The following CDC42EP4 variants were observed in gnomAD, a reference collection of about 807,000 sequenced individuals.
CDC42EP4 encodes the protein CDC42 effector protein 4, also known as CDC42 effector protein (Rho GTPase binding) 4.
Under a neutral mutation model 5.6 loss-of-function variants are expected in CDC42EP4, and 6 were observed. The ratio of observed to expected loss-of-function variants is 1.07; its 90% CI spans 0.59 to 2.12. The LOEUF is 2.12. Among genes scored for constraint, CDC42EP4 ranks in the 30% most tolerant of loss-of-function variants. The probability of loss-of-function intolerance (pLI) is 0.00; values close to 1 mark genes in which losing one functional copy is unlikely to be tolerated. For missense variants in CDC42EP4, 490 were observed against 508.6 expected (o/e 0.96, Z 0.35); for synonymous variants, 230 against 224.2 (o/e 1.03, Z -0.23).
At position 73,285,347 on chromosome 17, in the gene CDC42EP4, C is replaced by T. The variant is rs774170801; in HGVS notation, c.*83G>A. ...GAATCAAGGGTCCTGGCTGCCCCTG[C>T]GCCGTAGGGTCAAAGGTCATAGTGG... On this transcript the variant is annotated 3_prime_UTR_variant, in exon 2 of 2. Coordinates refer to ENST00000335793, the MANE Select transcript of CDC42EP4 (RefSeq NM_012121.5). This position sits in a 1 kb window ranked among gnomAD's most constrained non-coding sequence, Gnocchi z 6.8. 204 of 1,145,700 alleles carry T rather than the reference C, an allele frequency of 1.8e-4. 8 individuals carry two copies. The highest frequency in any genetic ancestry group is 4.3e-4 in the South Asian group (29 of 67,386). The allele number at this position is 1,145,700 out of a possible 1,614,324, so 71.0% of individuals were successfully genotyped here. A position where few individuals can be genotyped will look rare whatever the true frequency, so the allele number is the denominator to read the frequency against.
chr17:73,308,355 C>T (rs951882208), intron 1 of CDC42EP4, among the ~76,000 whole-genome samples: 6 of 152,310 alleles, frequency 3.9e-5, no homozygotes, highest in African/African-American at 1.4e-4. Flanking sequence ...GATTGCTCAA[C>T]CCTTCTCCCT....
chr17:73,301,709 G>GA (rs1418366000), intron 1 of CDC42EP4, among the ~76,000 whole-genome samples: 2 of 128,830 alleles, frequency 1.6e-5, no homozygotes, highest in East Asian at 4.5e-4. Context: ...ACCATGCCCA[G>GA]CTTTTTTTTT....
In CDC42EP4 at chr17:73,285,810, C is replaced by T; in HGVS notation, c.691G>A (p.Asp231Asn). ...VLSIMDKEEWDPEEGEGGYHG... is the reference protein window; with the variant it reads ...VLSIMDKEEWNPEEGEGGYHG... ...TAACCACCCTCCCCCTCCTCGGGGT[C>T]CCACTCCTCCTTGTCCATGATGCTG... is the stretch of plus-strand genomic sequence containing the variant. The change falls in exon 2 of 2, where the codon GAC (aspartate) becomes AAC (asparagine). Residue 231 changes from aspartate (D) to asparagine (N), a missense_variant. Coordinates refer to ENST00000335793, the MANE Select transcript of CDC42EP4 (RefSeq NM_012121.5). The surrounding 1 kb of genome is among the most constrained non-coding windows in gnomAD (Gnocchi z 6.8). The T allele has an allele frequency of 6.2e-7, 1 of 1,607,448 alleles. No homozygotes were observed. Among genetic ancestry groups the T allele is most frequent in the East Asian group, 2.2e-5 (1 of 44,630 alleles).
chr17:73,309,997 G>C (rs1473172413), intron 1 of CDC42EP4: 1 of 152,430 alleles, frequency 6.6e-6, no homozygotes, highest in Non-Finnish European at 1.5e-5. Flanking sequence ...GGAACCGGCA[G>C]GGCACCCCCG....
In CDC42EP4 at chr17:73,286,716, A is replaced by G; in HGVS notation, c.-112-104T>C. On this transcript the variant is annotated intron_variant, in intron 1 of 1. Transcript: ENST00000335793. This position sits in a 1 kb window ranked among gnomAD's most constrained non-coding sequence, Gnocchi z 7.7. ...CATTTAAACCCCAGCGCTCCTACCAAAGTTAAATGCTGTGAAATAAGCCAG... is the reference window on the plus strand; with the variant it reads ...CATTTAAACCCCAGCGCTCCTACCAGAGTTAAATGCTGTGAAATAAGCCAG... The G allele has an allele frequency of 1.8e-6, 1 of 560,602 alleles. No homozygotes were observed. Among genetic ancestry groups the G allele is most frequent in the South Asian group, 2.5e-5 (1 of 39,328 alleles). The allele number at this position is 560,602 out of a possible 1,614,324, so 34.7% of individuals were successfully genotyped here.
At chr17:73,297,226 G>A (rs1272086717) in intron 1 of CDC42EP4, among the ~76,000 whole-genome samples, 37 of 151,324 alleles carry the variant, frequency 2.4e-4, no homozygotes, top group African/African-American at 7.8e-4. Context: ...CCCGGGAGGC[G>A]GAGGTTGCTG....
intron 1 of CDC42EP4, among the ~76,000 whole-genome samples, chr17:73,309,108 G>C (rs952081522): frequency 4.1e-5 from 6 of 146,760 alleles, no homozygotes; most frequent in African/African-American, 1.5e-4. Flanking sequence ...CACTTTGAGA[G>C]GCCGAGGTGG....
chr17:73,307,760 C>T (rs866544105), intron 1 of CDC42EP4, among the ~76,000 whole-genome samples: 180 of 107,186 alleles, frequency 1.7e-3, no homozygotes, highest in East Asian at 0.01. Flanking sequence ...GAATTTCTCT[C>T]TTTTTTTTTT....
At chr17:73,307,516 C>T (rs1465642667) in intron 1 of CDC42EP4, among the ~76,000 whole-genome samples, 5 of 148,776 alleles carry the variant, frequency 3.4e-5, no homozygotes, top group Non-Finnish European at 7.4e-5. Context: ...GGCGCGATCT[C>T]GGCTCACTGC....
chr17:73,302,759 T>C (rs2062224957), intron 1 of CDC42EP4, among the ~76,000 whole-genome samples: 1 of 152,132 alleles, frequency 6.6e-6, no homozygotes, highest in Non-Finnish European at 1.5e-5. Flanking sequence ...AAATTGACAA[T>C]TGGCCGGGCG....
chr17:73,289,480 C>T (rs982366755), intron 1 of CDC42EP4, among the ~76,000 whole-genome samples: 13 of 152,166 alleles, frequency 8.5e-5, no homozygotes, highest in African/African-American at 3.1e-4. Flanking sequence ...CCCTGCCCCC[C>T]ACCCCAACAC....
intron 1 of CDC42EP4, among the ~76,000 whole-genome samples, chr17:73,297,299 A>ACACACACACACACACACAC (rs1568343461): frequency 6.8e-6 from 1 of 147,492 alleles, no homozygotes; most frequent in East Asian, 2.0e-4. Flanking sequence ...CGTCTCCAAA[A>ACACACACACACACACACAC]AAAAAAAAAA....
chr17:73,296,627 A>G (rs1248616073), intron 1 of CDC42EP4, among the ~76,000 whole-genome samples: 1 of 152,114 alleles, frequency 6.6e-6, no homozygotes, highest in Non-Finnish European at 1.5e-5. Context: ...ACAGAGGCCA[A>G]GGCGAAGGTC....
chr17:73,286,586 G>C lies in CDC42EP4; in HGVS notation c.-86C>G. The stretch of plus-strand genomic sequence containing the variant: ...CTGAAGTCCAAGTCCAGTGGGCAGA[G>C]GGGGACGCAATGAGGAGATCATAAG... On this transcript the variant is annotated 5_prime_UTR_variant, in exon 2 of 2. Coordinates refer to ENST00000335793, the MANE Select transcript of CDC42EP4 (RefSeq NM_012121.5). This position sits in a 1 kb window ranked among gnomAD's most constrained non-coding sequence, Gnocchi z 7.7. 1.0e-6 allele frequency: 1 copy of C among 961,096 alleles called. No homozygotes were observed. Among genetic ancestry groups the C allele is most frequent in the South Asian group, 1.7e-5 (1 of 60,212 alleles). The allele number at this position is 961,096 out of a possible 1,614,324, so 59.5% of individuals were successfully genotyped here.
At chr17:73,289,994 G>A (rs764147173) in intron 1 of CDC42EP4, among the ~76,000 whole-genome samples, 5 of 152,124 alleles carry the variant, frequency 3.3e-5, no homozygotes, top group East Asian at 3.9e-4. Flanking sequence ...AGCTTCAAAC[G>A]AACTCTCGTT....
chr17:73,304,484 A>G (rs1410228098), intron 1 of CDC42EP4, among the ~76,000 whole-genome samples: 4 of 151,958 alleles, frequency 2.6e-5, no homozygotes, highest in African/African-American at 7.3e-5. Context: ...TATTCTTCCC[A>G]ACAATCCCAT....
At chr17:73,292,577 G>A (rs1484072517) in intron 1 of CDC42EP4, among the ~76,000 whole-genome samples, 1 of 152,262 alleles carries the variant, frequency 6.6e-6, no homozygotes, top group Non-Finnish European at 1.5e-5. Context: ...AGTATAAGGA[G>A]GGAAAGGGGT....
At chr17:73,306,054 A>C (rs1303481639) in intron 1 of CDC42EP4, among the ~76,000 whole-genome samples, 1 of 152,046 alleles carries the variant, frequency 6.6e-6, no homozygotes, top group Non-Finnish European at 1.5e-5. Flanking sequence ...TTTAACCTTT[A>C]ATGATGCCAG....
At chr17:73,288,137 C>T (rs1384098384) in intron 1 of CDC42EP4, among the ~76,000 whole-genome samples, 1 of 152,190 alleles carries the variant, frequency 6.6e-6, no homozygotes, top group Non-Finnish European at 1.5e-5. Context: ...AACCTTTAGC[C>T]ACCACCTGCC....
Sources: allele counts gnomAD v4.1 joint callset (sites outside exome capture counted in the v4.1 genomes callset), GRCh38; gene constraint gnomAD v4.1.1; non-coding constraint Gnocchi (gnomAD v3.1); transcripts MANE v1.5; gene names NCBI Gene and HGNC (gene_info 2026-07-23, HGNC 2026-07-21).